Variants in TMEM117 observed in about 807,000 individuals in gnomAD.
TMEM117 encodes the protein transmembrane protein 117.
TMEM117 carries 27 observed loss-of-function variants against 52.4 expected under a neutral mutation model. The ratio of observed to expected loss-of-function variants is 0.51; its 90% CI spans 0.38 to 0.71. The LOEUF is 0.71. Ranked by LOEUF, TMEM117 falls within the 30% of genes least tolerant of loss-of-function variation. TMEM117 has a pLI of 0.00. For synonymous variants in TMEM117, 215 were observed against 206.3 expected (o/e 1.04, Z -0.36); for missense variants, 556 against 630.5 (o/e 0.88, Z 1.26).
At chr12:43,829,760 GTGAGC>G in the TMEM117 span, among the ~76,000 whole-genome samples, 1 of 152,174 alleles carries the variant, frequency 6.6e-6, no homozygotes, top group Admixed American at 6.5e-5. Context: ...GTATGTGGGA[GTGAGC>G]ATGGGGCAGA....
At chr12:43,842,309 T>TAG (rs1200196045) in intron 1 of TMEM117, among the ~76,000 whole-genome samples, 1 of 152,134 alleles carries the variant, frequency 6.6e-6, no homozygotes, top group Non-Finnish European at 1.5e-5. Flanking sequence ...ACTCTTGAGG[T>TAG]AGTCACCATT....
intron 4 of TMEM117, among the ~76,000 whole-genome samples, chr12:44,191,353 ATCTATCTGTCTG>A (rs1195178105): frequency 3.3e-5 from 5 of 151,816 alleles, no homozygotes; most frequent in South Asian, 2.1e-4. Flanking sequence ...ATGTCTATCT[ATCTATCTGTCTG>A]TCTGTCTGTC....
chr12:43,833,649 TGTG>T (rs955072749), upstream of TMEM117, among the ~76,000 whole-genome samples: 1 of 151,938 alleles, frequency 6.6e-6, no homozygotes, highest in African/African-American at 2.4e-5. Context: ...ATTAGCTAGG[TGTG>T]GTGGTGTGCA....
intron 6 of TMEM117, 71 bp from the exon 7 acceptor site, chr12:44,376,524 T>C: frequency 6.4e-7 from 1 of 1,567,118 alleles, no homozygotes; most frequent in Non-Finnish European, 8.6e-7. Flanking sequence ...TTATAAAAAG[T>C]CAATTTTTGG....
At chr12:44,116,477 T>G (rs1185984785) in intron 3 of TMEM117, among the ~76,000 whole-genome samples, 4 of 152,218 alleles carry the variant, frequency 2.6e-5, no homozygotes, top group Non-Finnish European at 5.9e-5. Context: ...TTCCTTTTCT[T>G]CTCTCTGTGG....
At chr12:44,322,886 G>A (rs1951150837) in intron 6 of TMEM117, among the ~76,000 whole-genome samples, 2 of 152,230 alleles carry the variant, frequency 1.3e-5, no homozygotes, top group South Asian at 4.2e-4. Context: ...TAAGTTGCAT[G>A]GCAAAGGGGG....
At chr12:44,274,555 G>A (rs1565661417) in intron 5 of TMEM117, among the ~76,000 whole-genome samples, 1 of 151,902 alleles carries the variant, frequency 6.6e-6, no homozygotes, top group Non-Finnish European at 1.5e-5. Context: ...TTCAAATTAG[G>A]CTATAGAGCT....
At chr12:43,839,924 T>C (rs1943090929) in intron 1 of TMEM117, among the ~76,000 whole-genome samples, 1 of 152,258 alleles carries the variant, frequency 6.6e-6, no homozygotes, top group Non-Finnish European at 1.5e-5. Context: ...CCAACACTTT[T>C]GGATAATCTT....
chr12:43,862,527 C>T (rs892111480), intron 2 of TMEM117, among the ~76,000 whole-genome samples: 6 of 152,220 alleles, frequency 3.9e-5, no homozygotes, highest in African/African-American at 7.2e-5. Context: ...CATAACCTAA[C>T]GTCCTGAATG....
chr12:44,295,009 G>T (rs1950749389), intron 5 of TMEM117, among the ~76,000 whole-genome samples: 1 of 152,132 alleles, frequency 6.6e-6, no homozygotes, highest in Non-Finnish European at 1.5e-5. Flanking sequence ...AATATTCTCT[G>T]GGTGGGTCCT....
intron 2 of TMEM117, among the ~76,000 whole-genome samples, chr12:43,865,032 G>A (rs1350329807): frequency 2.0e-5 from 3 of 152,056 alleles, no homozygotes; most frequent in African/African-American, 7.2e-5. Context: ...TCCTGAGGCA[G>A]CGAGACTACG....
At chr12:43,886,288 T>C (rs1943992863) in intron 2 of TMEM117, among the ~76,000 whole-genome samples, 1 of 152,018 alleles carries the variant, frequency 6.6e-6, no homozygotes, top group Non-Finnish European at 1.5e-5. Context: ...GAAGAATTGC[T>C]AGAGATGGAG....
chr12:44,129,017 T>C (rs1948371838), intron 3 of TMEM117, among the ~76,000 whole-genome samples: 1 of 152,196 alleles, frequency 6.6e-6, no homozygotes, highest in South Asian at 2.1e-4. Flanking sequence ...TGTGCCATTC[T>C]GATTATTCTT....
the TMEM117 span, among the ~76,000 whole-genome samples, chr12:43,822,506 C>G: frequency 2.1e-5 from 3 of 145,126 alleles, no homozygotes; most frequent in East Asian, 6.0e-4. Context: ...TAGATAGAGT[C>G]TCACTTTGTC....
intron 6 of TMEM117, among the ~76,000 whole-genome samples, chr12:44,360,762 C>G (rs1951710851): frequency 1.3e-5 from 2 of 152,064 alleles, no homozygotes; most frequent in Admixed American, 6.6e-5. Flanking sequence ...AGGCATACAG[C>G]CTTAACCATG....
At chr12:44,133,490 C>A (rs979060180) in intron 3 of TMEM117, among the ~76,000 whole-genome samples, 1 of 152,128 alleles carries the variant, frequency 6.6e-6, no homozygotes, top group Non-Finnish European at 1.5e-5. Context: ...TTCTTCTCTC[C>A]TCTCTTTTCC....
chr12:43,863,935 G>A (rs1027475503), intron 2 of TMEM117, among the ~76,000 whole-genome samples: 2 of 152,210 alleles, frequency 1.3e-5, no homozygotes, highest in African/African-American at 2.4e-5. Flanking sequence ...TGCGCCCGGC[G>A]CTTGCGGGCC....
intron 3 of TMEM117, among the ~76,000 whole-genome samples, chr12:43,998,725 C>G (rs1256945848): frequency 6.6e-6 from 1 of 152,140 alleles, no homozygotes; most frequent in Admixed American, 6.5e-5. Flanking sequence ...ATAAATCGGA[C>G]TACATTATGA....
chr12:44,027,824 T>TAA (rs1946568595), intron 3 of TMEM117, among the ~76,000 whole-genome samples: 1 of 152,202 alleles, frequency 6.6e-6, no homozygotes, highest in Non-Finnish European at 1.5e-5. Flanking sequence ...AGTTCAGGCC[T>TAA]TTGGACCCCT....
Sources: allele counts gnomAD v4.1 joint callset (sites outside exome capture counted in the v4.1 genomes callset), GRCh38; gene constraint gnomAD v4.1.1; transcripts MANE v1.5; gene names NCBI Gene and HGNC (gene_info 2026-07-23, HGNC 2026-07-21).